Variants in ZNF536 observed in about 807,000 individuals in gnomAD.
The protein encoded by ZNF536 is zinc finger protein 536.
A neutral mutation model predicts 84.5 loss-of-function variants in ZNF536; 13 were observed. The ratio of observed to expected loss-of-function variants is 0.15; its 90% CI spans 0.10 to 0.24. ZNF536 has a LOEUF of 0.24. Among genes scored for constraint, ZNF536 ranks in the 10% least tolerant of loss-of-function variants. The pLI is 1.00. For synonymous variants in ZNF536, 811 were observed against 742.5 expected (o/e 1.09, Z -1.50); for missense variants, 1,536 against 1,747.5 (o/e 0.88, Z 2.16).
At chr19:30,374,076 T>C (rs1212497587) in intron 1 of ZNF536, among the ~76,000 whole-genome samples, 1 of 152,196 alleles carries the variant, frequency 6.6e-6, no homozygotes, top group East Asian at 1.9e-4. Flanking sequence ...AATGGTGATA[T>C]AGGTATGGGC....
intron 2 of ZNF536, among the ~76,000 whole-genome samples, chr19:30,295,783 A>G (rs2045977821): frequency 6.6e-6 from 1 of 152,214 alleles, no homozygotes; most frequent in African/African-American, 2.4e-5. Context: ...CAAAGGCAAG[A>G]CTTTTAATCA....
At chr19:30,689,370 G>A (rs2051318796) in intron 1 of ZNF536, among the ~76,000 whole-genome samples, 1 of 152,204 alleles carries the variant, frequency 6.6e-6, no homozygotes, top group East Asian at 1.9e-4. Context: ...CCAAAAACAT[G>A]TCCGTCTGTG....
chr19:30,515,887 C>T (rs1236807725), intron 2 of ZNF536, among the ~76,000 whole-genome samples: 1 of 151,472 alleles, frequency 6.6e-6, no homozygotes, highest in East Asian at 1.9e-4. Flanking sequence ...ATTAGCAGGG[C>T]GTGGTGGGAG....
At chr19:30,649,031 A>G (rs1324094779) in intron 1 of ZNF536, among the ~76,000 whole-genome samples, 2 of 152,108 alleles carry the variant, frequency 1.3e-5, no homozygotes, top group Non-Finnish European at 2.9e-5. Context: ...ATGGGGTAGG[A>G]CGGCTGGGGT....
intron 2 of ZNF536, among the ~76,000 whole-genome samples, chr19:30,506,209 G>A (rs1207964356): frequency 6.6e-6 from 1 of 152,032 alleles, no homozygotes; most frequent in Non-Finnish European, 1.5e-5. Flanking sequence ...AAGCAGACAG[G>A]AAACCTGGCA....
At chr19:30,600,169 T>G (rs1274758135) in intron 1 of ZNF536, among the ~76,000 whole-genome samples, 1 of 152,158 alleles carries the variant, frequency 6.6e-6, no homozygotes, top group Non-Finnish European at 1.5e-5. Context: ...TTCAGCTCAT[T>G]GCAATCTCCA....
At chr19:30,666,398 C>T (rs1384061223) in intron 1 of ZNF536, among the ~76,000 whole-genome samples, 1 of 152,178 alleles carries the variant, frequency 6.6e-6, no homozygotes, top group African/African-American at 2.4e-5. Context: ...TCCCTGCCTC[C>T]TCCCTCCCTT....
chr19:30,339,156 A>G (rs1265901986), intron 2 of ZNF536, among the ~76,000 whole-genome samples: 2 of 152,266 alleles, frequency 1.3e-5, no homozygotes, highest in East Asian at 3.9e-4. Flanking sequence ...TGCCTCCCCC[A>G]TGTTCTGGAG....
chr19:30,413,032 A>G (rs886941819), intron 1 of ZNF536, among the ~76,000 whole-genome samples: 1 of 152,020 alleles, frequency 6.6e-6, no homozygotes, highest in African/African-American at 2.4e-5. Context: ...GTATTTTATC[A>G]TTATTTTAAA....
intron 1 of ZNF536, among the ~76,000 whole-genome samples, chr19:30,395,283 G>C (rs2049768254): frequency 6.6e-6 from 1 of 152,186 alleles, no homozygotes; most frequent in Admixed American, 6.5e-5. Flanking sequence ...GTACCATAAA[G>C]GGGATGTCCA....
chr19:30,437,492 T>C (rs2051804606), intron 1 of ZNF536, among the ~76,000 whole-genome samples: 1 of 152,010 alleles, frequency 6.6e-6, no homozygotes, highest in Non-Finnish European at 1.5e-5. Flanking sequence ...GAGTGTGAAA[T>C]TGCATTGTTC....
chr19:30,465,665 A>C (rs2053353730), intron 2 of ZNF536, among the ~76,000 whole-genome samples: 1 of 152,220 alleles, frequency 6.6e-6, no homozygotes, highest in South Asian at 2.1e-4. Context: ...CCAAGGCAGG[A>C]GGATCACTTG....
At chr19:30,313,870 C>A (rs1235681374) in intron 2 of ZNF536, among the ~76,000 whole-genome samples, 1 of 152,250 alleles carries the variant, frequency 6.6e-6, no homozygotes, top group Non-Finnish European at 1.5e-5. Flanking sequence ...GAAGCCTGGG[C>A]TCCGAGAATA....
At chr19:30,454,799 G>A (rs1460195066) in intron 2 of ZNF536, among the ~76,000 whole-genome samples, 1 of 152,198 alleles carries the variant, frequency 6.6e-6, no homozygotes, top group Non-Finnish European at 1.5e-5. Flanking sequence ...TTGGGAGGCC[G>A]AGGCAGGTGG....
chr19:30,589,344 A>T (rs1036230838), intron 1 of ZNF536, among the ~76,000 whole-genome samples: 1 of 151,888 alleles, frequency 6.6e-6, no homozygotes, highest in Admixed American at 6.6e-5. Context: ...AGCGATGTTG[A>T]CTCTTCCTGC....
chr19:30,395,139 T>C (rs527900261), intron 1 of ZNF536, among the ~76,000 whole-genome samples: 16 of 152,346 alleles, frequency 1.1e-4, no homozygotes, highest in African/African-American at 3.6e-4. Flanking sequence ...CTTAGATTAA[T>C]CTTAATTGCT....
In ZNF536 at chr19:30,314,752, A is replaced by C. The variant is rs547474932; in HGVS notation, c.-120+30611A>C. Among the ~76,000 whole-genome samples, 324 of 152,068 alleles carry C rather than the reference A, an allele frequency of 2.1e-3. 1 individual carries two copies. The highest frequency in any genetic ancestry group is 4.0e-3 in the Non-Finnish European group (275 of 67,968). On this transcript the variant is annotated intron_variant, in intron 2 of 5. Transcript: ENST00000585628. ...GTGGTCCAGGGCTCTTATTGGTCTGATAGGAGGAATGTGCCTGTGGCAATG... is the reference window on the plus strand; with the variant it reads ...GTGGTCCAGGGCTCTTATTGGTCTGCTAGGAGGAATGTGCCTGTGGCAATG...
chr19:30,543,477 G>A (rs2045417269), intron 3 of ZNF536, among the ~76,000 whole-genome samples: 1 of 152,240 alleles, frequency 6.6e-6, no homozygotes, highest in African/African-American at 2.4e-5. Flanking sequence ...CTCAGGCAGA[G>A]TCCAGCCTTG....
intron 2 of ZNF536, among the ~76,000 whole-genome samples, chr19:30,522,784 GC>G (rs2044413150): frequency 6.6e-6 from 1 of 152,026 alleles, no homozygotes; most frequent in Non-Finnish European, 1.5e-5. Context: ...TCTTGGAGGG[GC>G]TTTCAATTAT....
Sources: gnomAD v4.1 joint callset for allele counts (sites outside exome capture counted in the v4.1 genomes callset) on GRCh38, gnomAD v4.1.1 for gene constraint, MANE v1.5 for transcripts, NCBI Gene and HGNC (gene_info 2026-07-23, HGNC 2026-07-21) for gene names.